The following IGFBP7 variants were observed in gnomAD, a reference collection of about 807,000 sequenced individuals.
IGFBP7 encodes the protein insulin-like growth factor-binding protein 7.
A neutral mutation model predicts 29.4 loss-of-function variants in IGFBP7; 31 were observed. The ratio of observed to expected loss-of-function variants is 1.05; its 90% CI spans 0.79 to 1.42. The LOEUF is 1.42. Ranked by LOEUF, IGFBP7 falls within the 40% of genes most tolerant of loss-of-function variation. The pLI, the probability that IGFBP7 is intolerant of heterozygous loss-of-function variation, is 0.00. For synonymous variants in IGFBP7, 172 were observed against 174.9 expected, an observed-to-expected ratio of 0.98 and a Z score of 0.13; for missense variants, 393 against 395.5, an observed-to-expected ratio of 0.99 and a Z score of 0.05.
chr4:57,080,770 G>C (rs986531589), intron 1 of IGFBP7, among the ~76,000 whole-genome samples: 1 of 152,124 alleles, frequency 6.6e-6, no homozygotes, highest in Non-Finnish European at 1.5e-5. Context: ...TATGCCTACC[G>C]TGCACACCGA....
chr4:57,073,069 C>T (rs1725097473), intron 1 of IGFBP7: 1 of 1,507,528 alleles, frequency 6.6e-7, no homozygotes, highest in African/African-American at 1.4e-5. Context: ...GGAAACCCCC[C>T]ACAGCTTTTA....
At chr4:57,090,707 G>A (rs2109794901) in intron 1 of IGFBP7, among the ~76,000 whole-genome samples, 1 of 152,226 alleles carries the variant, frequency 6.6e-6, no homozygotes, top group African/African-American at 2.4e-5. Flanking sequence ...AAATAGCCAG[G>A]TGTGGTGGTG....
At chr4:57,046,149 T>C (rs1410447616) in intron 1 of IGFBP7, among the ~76,000 whole-genome samples, 2 of 152,102 alleles carry the variant, frequency 1.3e-5, no homozygotes, top group African/African-American at 2.4e-5. Flanking sequence ...ACAAGTCTTG[T>C]ATAGAAGAGA....
intron 1 of IGFBP7, among the ~76,000 whole-genome samples, chr4:57,090,592 T>G (rs191454067): frequency 1.8e-4 from 27 of 152,294 alleles, no homozygotes; most frequent in African/African-American, 5.3e-4. Context: ...ATCCTAGCAC[T>G]TTGGGAGGCT....
rs188347219 is a variant in IGFBP7, at chr4:57,047,163, G to T, written c.476-6230C>A. Among the ~76,000 whole-genome samples the T allele has an allele frequency of 7.2e-5, 11 of 152,288 alleles. 1 individual carries two copies. Among genetic ancestry groups the T allele is most frequent in the Non-Finnish European group, 1.2e-4 (8 of 68,020 alleles). On this transcript the variant is annotated intron_variant, in intron 1 of 4. Transcript: ENST00000295666. The stretch of plus-strand genomic sequence containing the variant: ...TGTGTCATGGGTTGGGGGGTACGCG[G>T]TGGAAGGTAATTGAATCATGGGGAC...
intron 1 of IGFBP7, among the ~76,000 whole-genome samples, chr4:57,053,252 G>A (rs1332554590): frequency 6.6e-6 from 1 of 152,096 alleles, no homozygotes; most frequent in Non-Finnish European, 1.5e-5. Context: ...CCTGACCTCA[G>A]GTGATCTGCC....
At chr4:57,070,202 C>A (rs1725022621) in intron 1 of IGFBP7, among the ~76,000 whole-genome samples, 2 of 152,150 alleles carry the variant, frequency 1.3e-5, no homozygotes, top group Non-Finnish European at 2.9e-5. Context: ...AGAAGTTCTC[C>A]CAGAGTACCA....
intron 1 of IGFBP7, among the ~76,000 whole-genome samples, chr4:57,080,372 G>T (rs1192709332): frequency 1.3e-5 from 2 of 152,174 alleles, no homozygotes; most frequent in Non-Finnish European, 2.9e-5. Context: ...TTGCCCGAGT[G>T]CTCCAGCCTA....
chr4:57,038,097 A>G (rs1237591664), intron 2 of IGFBP7, among the ~76,000 whole-genome samples: 1 of 152,180 alleles, frequency 6.6e-6, no homozygotes, highest in Non-Finnish European at 1.5e-5. Flanking sequence ...CACCTCAGGC[A>G]TTTTCTGGTA....
At chr4:57,061,710 G>A (rs1277297) in intron 1 of IGFBP7, among the ~76,000 whole-genome samples, 94,973 of 152,096 alleles carry the variant, frequency 0.62, 30,083 homozygotes, top group East Asian at 0.9. Context: ...TAATATTTTC[G>A]GACCAAAACT....
At chr4:57,050,327 C>A (rs1724472823) in intron 1 of IGFBP7, among the ~76,000 whole-genome samples, 1 of 151,446 alleles carries the variant, frequency 6.6e-6, no homozygotes, top group African/African-American at 2.4e-5. Context: ...TCACTGCAAC[C>A]TCTGCCCTGT....
At position 57,101,136 on chromosome 4, in the gene IGFBP7, T is replaced by C. The variant is rs546312197; in HGVS notation, c.475+8741A>G. ...AGTGCTTTCATATCTGTTATGTAAT[T>C]TGACCTTCTCAATAATCCTGTGAAG... On this transcript the variant is annotated intron_variant, in intron 1 of 4. Coordinates refer to ENST00000295666, the MANE Select transcript of IGFBP7 (RefSeq NM_001553.3). Among the ~76,000 whole-genome samples, 7 of 152,366 alleles carry C rather than the reference T, an allele frequency of 4.6e-5. No individual in the cohort carries two copies. In the South Asian group the frequency reaches 1.2e-3, roughly 27 times the overall value.
intron 1 of IGFBP7, among the ~76,000 whole-genome samples, chr4:57,103,597 G>T (rs541227087): frequency 6.8e-6 from 1 of 146,284 alleles, no homozygotes; most frequent in African/African-American, 2.5e-5. Flanking sequence ...ACACTTTTTT[G>T]TGTGTGTGGT....
intron 1 of IGFBP7, among the ~76,000 whole-genome samples, chr4:57,066,332 T>C (rs1415077147): frequency 6.6e-6 from 1 of 152,098 alleles, no homozygotes; most frequent in African/African-American, 2.4e-5. Flanking sequence ...AACTGGGTCC[T>C]CCTGACAACG....
intron 1 of IGFBP7, among the ~76,000 whole-genome samples, chr4:57,096,581 C>T (rs1725768776): frequency 6.6e-6 from 1 of 152,076 alleles, no homozygotes; most frequent in Non-Finnish European, 1.5e-5. Flanking sequence ...GGTGAAGAAC[C>T]ACTGCTTTAG....
chr4:57,037,127 A>G (rs1386947500), intron 2 of IGFBP7, among the ~76,000 whole-genome samples: 3 of 152,128 alleles, frequency 2.0e-5, no homozygotes, highest in Non-Finnish European at 4.4e-5. Context: ...TTTATTTTTT[A>G]TAAGAACATG....
At chr4:57,035,347 A>G (rs1436680336) in intron 2 of IGFBP7, among the ~76,000 whole-genome samples, 1 of 152,254 alleles carries the variant, frequency 6.6e-6, no homozygotes, top group Admixed American at 6.5e-5. Flanking sequence ...AAGGTTATAC[A>G]TCATGTAGAA....
intron 1 of IGFBP7, among the ~76,000 whole-genome samples, chr4:57,045,723 T>A (rs927502171): frequency 2.8e-5 from 4 of 144,298 alleles, no homozygotes; most frequent in African/African-American, 1.0e-4. Context: ...GCAGAGGGAA[T>A]GGAAAAACTC....
intron 1 of IGFBP7, among the ~76,000 whole-genome samples, chr4:57,077,028 C>G (rs529667387): frequency 6.6e-6 from 1 of 152,184 alleles, no homozygotes; most frequent in South Asian, 2.1e-4. Context: ...TAAACGCTAA[C>G]CTCACTAGTA....
Sources: allele counts gnomAD v4.1 joint callset (sites outside exome capture counted in the v4.1 genomes callset), GRCh38; gene constraint gnomAD v4.1.1; transcripts MANE v1.5; gene names NCBI Gene and HGNC (gene_info 2026-07-23, HGNC 2026-07-21).